The following PTPRJ variants were observed in gnomAD, a reference collection of about 807,000 sequenced individuals.
The protein encoded by PTPRJ is receptor-type tyrosine-protein phosphatase eta.
A neutral mutation model predicts 141.3 loss-of-function variants in PTPRJ; 129 were observed. The ratio of observed to expected loss-of-function variants is 0.91; its 90% CI spans 0.79 to 1.06. PTPRJ has a LOEUF of 1.06. PTPRJ is among the 50% of genes least tolerant of loss of function. PTPRJ has a pLI of 0.00. For synonymous variants in PTPRJ, 610 were observed against 640.5 expected, an observed-to-expected ratio of 0.95 and a Z score of 0.72; for missense variants, 1,601 against 1,679.7, an observed-to-expected ratio of 0.95 and a Z score of 0.82.
In PTPRJ at chr11:48,167,983, A is replaced by G. The variant is rs1447216886; in HGVS notation, c.*621A>G. The G allele has an allele frequency of 6.6e-6, 1 of 152,318 alleles. No homozygotes were observed. The allele number at this position is 152,318 out of a possible 1,614,324, so 9.4% of individuals were successfully genotyped here. On this transcript the variant is annotated 3_prime_UTR_variant, in exon 25 of 25. Coordinates refer to ENST00000418331, the MANE Select transcript of PTPRJ (RefSeq NM_002843.4). ...ATACGGAATATTTAAACAGTAGCTT[A>G]GCATCAGAGGTTTGCTTCCTCAGTA...
At chr11:48,166,287 A>C (rs71477912) in intron 24 of PTPRJ, among the ~76,000 whole-genome samples, 1 of 150,982 alleles carries the variant, frequency 6.6e-6, no homozygotes, top group East Asian at 2.0e-4. Context: ...ACACACACAC[A>C]CGCACACACA....
chr11:47,983,269 G>T (rs1000844203), intron 1 of PTPRJ, among the ~76,000 whole-genome samples: 1 of 152,170 alleles, frequency 6.6e-6, no homozygotes, highest in Admixed American at 6.5e-5. Flanking sequence ...TGGTGGGTGT[G>T]AATGGAATTT....
At chr11:48,059,089 T>C (rs1854841038) in intron 1 of PTPRJ, among the ~76,000 whole-genome samples, 1 of 149,326 alleles carries the variant, frequency 6.7e-6, no homozygotes, top group African/African-American at 2.5e-5. Context: ...GTACTCCTGA[T>C]CGCTCCCTAC....
rs1292170115 is a variant in PTPRJ at position 48,169,296 on chromosome 11, T to G, written c.*1934T>G. On this transcript the variant is annotated 3_prime_UTR_variant, in exon 25 of 25. Coordinates refer to ENST00000418331, the MANE Select transcript of PTPRJ (RefSeq NM_002843.4). ...CACTTTTTGCTGAATCCTTTGCATT[T>G]TTTTGGTAGTAAGCAGTTCATTGAG... 1 of 152,212 alleles carries G rather than the reference T, an allele frequency of 6.6e-6. No individual in the cohort carries two copies. The highest frequency in any genetic ancestry group is 1.5e-5 in the Non-Finnish European group (1 of 68,056). The allele number at this position is 152,212 out of a possible 1,614,324, so 9.4% of individuals were successfully genotyped here.
chr11:48,164,484 G>T lies in PTPRJ; in HGVS notation c.3824G>T (p.Arg1275Leu). 6.2e-7 allele frequency: 1 copy of T among 1,612,178 alleles called. No homozygotes were observed. The highest frequency in any genetic ancestry group is 8.5e-7 in the Non-Finnish European group (1 of 1,179,168). Residue 1275 changes from arginine to leucine, a missense_variant, in exon 24 of 25, where the codon CGA (arginine) becomes CTA (leucine). Physicochemically the swap from Arg to Leu is moderately radical, Grantham distance 102 (BLOSUM62 -2). Coordinates refer to ENST00000418331, the MANE Select transcript of PTPRJ (RefSeq NM_002843.4). ...VDVYGIVYDL[R>L]MHRPLMVQTE... is the part of the protein sequence containing the mutation. ...GTGTATGGGATTGTGTATGACCTTC[G>T]AATGCATAGGCCTTTAATGGTGCAG...
At chr11:48,036,110 G>A (rs1454771574) in intron 1 of PTPRJ, among the ~76,000 whole-genome samples, 1 of 152,200 alleles carries the variant, frequency 6.6e-6, no homozygotes, top group African/African-American at 2.4e-5. Flanking sequence ...CTCTAGAGGG[G>A]CCTCTTTAAT....
chr11:48,078,084 A>C (rs938616978), intron 1 of PTPRJ, among the ~76,000 whole-genome samples: 1 of 141,626 alleles, frequency 7.1e-6, no homozygotes, highest in Non-Finnish European at 1.5e-5. Context: ...TTTGAGGCGG[A>C]GTCTTGCTCT....
chr11:48,163,675 G>A lies in PTPRJ; in HGVS notation c.3719+57G>A. The A allele has an allele frequency of 2.1e-5, 32 of 1,535,556 alleles. No individual in the cohort carries two copies. In the South Asian group the frequency reaches 3.4e-4, roughly 16 times the overall value. ...TTCAAATGTCATTATATATTTATGA[G>A]CACTTTACAAAAGCAAAGCCTAAGA... On this transcript the variant is annotated intron_variant, in intron 23 of 24. Coordinates refer to ENST00000418331, the MANE Select transcript of PTPRJ (RefSeq NM_002843.4).
At chr11:48,027,787 T>C (rs1285078411) in intron 1 of PTPRJ, among the ~76,000 whole-genome samples, 1 of 89,866 alleles carries the variant, frequency 1.1e-5, no homozygotes, top group African/African-American at 5.6e-5. Context: ...TGAGACTCTG[T>C]CTCCAAAAAA....
At chr11:48,071,476 C>T (rs992752033) in intron 1 of PTPRJ, among the ~76,000 whole-genome samples, 8 of 150,424 alleles carry the variant, frequency 5.3e-5, no homozygotes, top group African/African-American at 2.0e-4. Flanking sequence ...GCCACCACGC[C>T]CGGCTAATTT....
Position 48,127,816 on chromosome 11 carries a change from T to G in PTPRJ, c.1130T>G (p.Ile377Ser). ...IQVFDVTAVN[I>S]SATSLTLIWK... ...GTTTTTGACGTCACCGCTGTGAACA[T>G]CAGTGCCACAAGCCTGACCCTGATC... is the stretch of plus-strand genomic sequence containing the variant. The change falls in exon 7 of 25, where the codon ATC becomes AGC. Residue 377 changes from isoleucine (I) to serine (S), a missense_variant. Coordinates refer to ENST00000418331, the MANE Select transcript of PTPRJ (RefSeq NM_002843.4). 1.2e-6 allele frequency: 2 copies of G among 1,614,194 alleles called. No homozygotes were observed. Among genetic ancestry groups the G allele is most frequent in the Non-Finnish European group, 1.7e-6 (2 of 1,180,028 alleles).
chr11:48,007,105 T>C (rs940488984), intron 1 of PTPRJ, among the ~76,000 whole-genome samples: 2 of 151,982 alleles, frequency 1.3e-5, no homozygotes, highest in African/African-American at 4.8e-5. Context: ...CTTTTTTTTT[T>C]CTTTTTTTAT....
chr11:48,164,857 T>TAAAG (rs1464110904), intron 24 of PTPRJ, among the ~76,000 whole-genome samples: 5 of 150,572 alleles, frequency 3.3e-5, no homozygotes, highest in African/African-American at 1.2e-4. Context: ...TGAGCCACTT[T>TAAAG]GCCTGGCCCT....
At chr11:48,163,066 G>A (rs1333536949) in intron 22 of PTPRJ, among the ~76,000 whole-genome samples, 1 of 152,150 alleles carries the variant, frequency 6.6e-6, no homozygotes, top group Non-Finnish European at 1.5e-5. Flanking sequence ...AGGGGGGCTC[G>A]GGGATGGGGC....
At chr11:48,114,631 A>G (rs1008787211) in intron 3 of PTPRJ, among the ~76,000 whole-genome samples, 11 of 152,072 alleles carry the variant, frequency 7.2e-5, no homozygotes, top group African/African-American at 2.4e-4. Context: ...CTTCAAATAT[A>G]CAGACATCAA....
chr11:47,995,294 T>C (rs978609035), intron 1 of PTPRJ, among the ~76,000 whole-genome samples: 1 of 152,224 alleles, frequency 6.6e-6, no homozygotes, highest in African/African-American at 2.4e-5. Flanking sequence ...TATTAACTCA[T>C]TTAATCCTAT....
chr11:47,987,286 A>G (rs1854076418), intron 1 of PTPRJ, among the ~76,000 whole-genome samples: 1 of 152,200 alleles, frequency 6.6e-6, no homozygotes, highest in African/African-American at 2.4e-5. Flanking sequence ...ATGATTTTAT[A>G]GGTCGAATGA....
chr11:48,118,012 T>C (rs913456414), intron 3 of PTPRJ, among the ~76,000 whole-genome samples: 2 of 152,160 alleles, frequency 1.3e-5, no homozygotes, highest in African/African-American at 4.8e-5. Flanking sequence ...TATGAAGAAA[T>C]AGAAAATCTG....
chr11:48,167,410 A>G lies in PTPRJ; in HGVS notation c.*48A>G, dbSNP rs757728580. 4 of 1,573,110 alleles carry G rather than the reference A, an allele frequency of 2.5e-6. No homozygotes were observed. In the South Asian group the frequency reaches 4.5e-5, roughly 18 times the overall value. ...GAGTGAACCAGACCGTCGCACCCAC[A>G]GCGAAGGCACATGCCCCGATGTCGA... On this transcript the variant is annotated 3_prime_UTR_variant, in exon 25 of 25. Coordinates refer to ENST00000418331, the MANE Select transcript of PTPRJ (RefSeq NM_002843.4).
Sources: allele counts gnomAD v4.1 joint callset (sites outside exome capture counted in the v4.1 genomes callset), GRCh38; gene constraint gnomAD v4.1.1; transcripts MANE v1.5; gene names NCBI Gene and HGNC (gene_info 2026-07-23, HGNC 2026-07-21).